RORA: variants seen among roughly 807,000 people sequenced by gnomAD.
RORA encodes the protein nuclear receptor ROR-alpha.
In RORA, 7 loss-of-function variants were observed where a neutral mutation model predicts 69.5. That is an observed-to-expected ratio of 0.10 (90% CI 0.06 to 0.19). The LOEUF is 0.19. Ranked by LOEUF, RORA falls within the 10% of genes least tolerant of loss-of-function variation. RORA has a pLI of 1.00. For synonymous variants in RORA, 261 were observed against 240.8 expected (o/e 1.08, Z -0.78); for missense variants, 457 against 663.0 (o/e 0.69, Z 3.41).
At chr15:61,088,648 G>A (rs2078659726) in intron 1 of RORA, among the ~76,000 whole-genome samples, 1 of 152,096 alleles carries the variant, frequency 6.6e-6, no homozygotes, top group African/African-American at 2.4e-5. Flanking sequence ...GAACCTCAGA[G>A]GATTAATACG....
At chr15:60,881,655 G>A (rs1395616870) in intron 1 of RORA, among the ~76,000 whole-genome samples, 1 of 152,102 alleles carries the variant, frequency 6.6e-6, no homozygotes, top group East Asian at 1.9e-4. Flanking sequence ...GAGAGTGGGA[G>A]TAAAAGGGAA....
At chr15:60,931,616 GT>G (rs1892374471) in intron 1 of RORA, among the ~76,000 whole-genome samples, 1 of 152,352 alleles carries the variant, frequency 6.6e-6, no homozygotes, top group South Asian at 2.1e-4. Flanking sequence ...ATGCTCCAGA[GT>G]GTCTTGCACA....
chr15:60,607,957 G>C (rs927546073), intron 2 of RORA, among the ~76,000 whole-genome samples: 1 of 152,200 alleles, frequency 6.6e-6, no homozygotes, highest in Non-Finnish European at 1.5e-5. Flanking sequence ...ACATGATACC[G>C]ATACCTTTTT....
intron 1 of RORA, among the ~76,000 whole-genome samples, chr15:60,865,839 C>T (rs866627278): frequency 1.3e-5 from 2 of 152,162 alleles, no homozygotes; most frequent in South Asian, 4.1e-4. Flanking sequence ...CTATATGTCT[C>T]AATAGCTGAG....
At chr15:60,597,559 T>C (rs1165638727) in intron 2 of RORA, among the ~76,000 whole-genome samples, 59 of 38,510 alleles carry the variant, frequency 1.5e-3, no homozygotes, top group African/African-American at 4.1e-3. Flanking sequence ...AACATATATA[T>C]ATATATATAT....
chr15:61,040,453 T>C (rs1248541332), intron 1 of RORA, among the ~76,000 whole-genome samples: 2 of 151,970 alleles, frequency 1.3e-5, no homozygotes, highest in African/African-American at 2.4e-5. Context: ...AACATTGATA[T>C]AAAGCTTTTT....
At chr15:60,516,478 C>A (rs967599882) in intron 3 of RORA, among the ~76,000 whole-genome samples, 1 of 150,400 alleles carries the variant, frequency 6.6e-6, no homozygotes. Context: ...AGAGTCATTT[C>A]CATGAAGCAA....
intron 1 of RORA, among the ~76,000 whole-genome samples, chr15:60,793,107 C>A (rs1200546008): frequency 6.6e-6 from 1 of 151,872 alleles, no homozygotes; most frequent in African/African-American, 2.4e-5. Flanking sequence ...AAAAAGTTAA[C>A]TTCTTGGTGT....
chr15:60,622,136 T>C (rs527264346), intron 2 of RORA, among the ~76,000 whole-genome samples: 3 of 118,112 alleles, frequency 2.5e-5, no homozygotes, highest in African/African-American at 1.1e-4. Flanking sequence ...ACAGTATTTA[T>C]ACATGGGGAT....
chr15:60,923,540 C>A (rs1892113141), intron 1 of RORA, among the ~76,000 whole-genome samples: 1 of 152,216 alleles, frequency 6.6e-6, no homozygotes, highest in African/African-American at 2.4e-5. Context: ...AAGGCACCAA[C>A]TTCCGTGGGC....
At chr15:60,743,262 G>A (rs975004717) in intron 1 of RORA, among the ~76,000 whole-genome samples, 2 of 151,928 alleles carry the variant, frequency 1.3e-5, no homozygotes, top group African/African-American at 2.4e-5. Flanking sequence ...TGATCCGACC[G>A]CCTCGGCCTC....
At chr15:60,805,239 C>T (rs984072734) in intron 1 of RORA, among the ~76,000 whole-genome samples, 13 of 152,302 alleles carry the variant, frequency 8.5e-5, no homozygotes, top group Middle Eastern at 3.4e-3. Flanking sequence ...CTTCACCATA[C>T]CCAGTCACTC....
chr15:60,661,471 G>C (rs1380880315), intron 2 of RORA, among the ~76,000 whole-genome samples: 1 of 152,204 alleles, frequency 6.6e-6, no homozygotes, highest in African/African-American at 2.4e-5. Flanking sequence ...TCTATGGGCA[G>C]TTTCAGAATT....
chr15:61,040,444 A>G (rs190263705), intron 1 of RORA, among the ~76,000 whole-genome samples: 1 of 151,894 alleles, frequency 6.6e-6, no homozygotes, highest in East Asian at 1.9e-4. Context: ...TTCTCGCAAA[A>G]CATTGATATA....
intron 1 of RORA, among the ~76,000 whole-genome samples, chr15:61,212,964 A>G (rs1298874278): frequency 1.3e-5 from 2 of 152,162 alleles, no homozygotes; most frequent in Admixed American, 6.5e-5. Flanking sequence ...AGTGCCAGAT[A>G]CTTGCTATTG....
At chr15:60,523,952 G>T (rs935332692) in intron 3 of RORA, among the ~76,000 whole-genome samples, 31 of 152,332 alleles carry the variant, frequency 2.0e-4, no homozygotes, top group African/African-American at 7.5e-4. Flanking sequence ...CGGGATTACA[G>T]GCATGAGCCA....
intron 1 of RORA, among the ~76,000 whole-genome samples, chr15:60,940,527 G>A (rs1290973169): frequency 6.6e-6 from 1 of 152,208 alleles, no homozygotes; most frequent in Non-Finnish European, 1.5e-5. Flanking sequence ...GAGCCAAGAG[G>A]CCCGAGGGAA....
chr15:60,894,581 G>T (rs548984044), intron 1 of RORA, among the ~76,000 whole-genome samples: 6 of 152,230 alleles, frequency 3.9e-5, no homozygotes, highest in African/African-American at 7.2e-5. Flanking sequence ...GGATGAGCAA[G>T]GGGATCAGAA....
chr15:60,674,844 C>T (rs1647987), intron 2 of RORA, among the ~76,000 whole-genome samples: 124,694 of 152,122 alleles, frequency 0.82, 51,357 homozygotes, highest in East Asian at 1. Flanking sequence ...TTTCAGAAGC[C>T]TGTATCTGTC....
Sources: gnomAD v4.1 joint callset for allele counts (sites outside exome capture counted in the v4.1 genomes callset) on GRCh38, gnomAD v4.1.1 for gene constraint, MANE v1.5 for transcripts, NCBI Gene and HGNC (gene_info 2026-07-23, HGNC 2026-07-21) for gene names.